CTNNA1: variants seen among roughly 807,000 people sequenced by gnomAD.
CTNNA1 encodes catenin alpha-1.
A neutral mutation model predicts 98.4 loss-of-function variants in CTNNA1; 37 were observed. The ratio of observed to expected loss-of-function variants is 0.38; its 90% CI spans 0.29 to 0.49. The LOEUF (loss-of-function observed/expected upper bound fraction) is 0.49, where lower values mean the gene tolerates loss of function less well. CTNNA1 is among the 20% of genes least tolerant of loss of function. The pLI is 0.95. For missense variants in CTNNA1, 761 were observed against 1,147.2 expected (o/e 0.66, Z 4.86); for synonymous variants, 404 against 413.2 (o/e 0.98, Z 0.27).
intron 1 of CTNNA1, among the ~76,000 whole-genome samples, chr5:138,779,071 G>T (rs1472913233): frequency 6.6e-6 from 1 of 152,094 alleles, no homozygotes; most frequent in Non-Finnish European, 1.5e-5. Flanking sequence ...TAGAGAGAGG[G>T]TTTCACCACA....
At chr5:138,813,846 G>C (rs185588702) in intron 5 of CTNNA1, among the ~76,000 whole-genome samples, 1 of 152,162 alleles carries the variant, frequency 6.6e-6, no homozygotes, top group Non-Finnish European at 1.5e-5. Flanking sequence ...TTGAACTCCT[G>C]GGCTCAAGAG....
chr5:138,759,508 C>T (rs1752078823), intron 1 of CTNNA1, among the ~76,000 whole-genome samples: 5 of 152,170 alleles, frequency 3.3e-5, no homozygotes, highest in Admixed American at 3.3e-4. Flanking sequence ...AGGTGGGGGC[C>T]CTTGGCCCAT....
rs747815829 is a variant in CTNNA1 at position 138,812,299 on chromosome 5, A to G, written c.585A>G (p.Gln195=). Residue 195 remains glutamine, a synonymous_variant, in exon 5 of 18, where the codon CAA becomes CAG. Transcript: ENST00000302763. The part of the protein sequence containing the change: ...DKLNIMAAKR[Q]QELKDVGHRD... ...TGAACATTATGGCAGCCAAAAGACA[A>G]CAGGTACAGTCATGATTTGGGGATA... is the stretch of plus-strand genomic sequence containing the variant. 1.9e-5 allele frequency: 30 copies of G among 1,612,646 alleles called. No individual in the cohort carries two copies. In the East Asian group the frequency reaches 6.7e-4, roughly 36 times the overall value.
intron 5 of CTNNA1, among the ~76,000 whole-genome samples, chr5:138,818,029 C>G (rs1373672168): frequency 6.6e-6 from 1 of 152,094 alleles, no homozygotes; most frequent in South Asian, 2.1e-4. Flanking sequence ...CCCCCGCCCC[C>G]ACAACCAAGT....
At chr5:138,932,462 C>T in intron 16 of CTNNA1, 116 bp from the exon 17 acceptor site, 1 of 1,480,678 alleles carries the variant, frequency 6.8e-7, no homozygotes, top group South Asian at 1.4e-5. Flanking sequence ...GATTTTGCTC[C>T]AGCAAGAGGA....
intron 9 of CTNNA1, among the ~76,000 whole-genome samples, chr5:138,901,078 C>T (rs967092907): frequency 6.6e-6 from 1 of 152,144 alleles, no homozygotes; most frequent in Non-Finnish European, 1.5e-5. Flanking sequence ...CTTGGCTCTG[C>T]TGGGTTCTCT....
intron 3 of CTNNA1, among the ~76,000 whole-genome samples, chr5:138,796,224 T>G (rs1199247234): frequency 6.6e-6 from 1 of 152,248 alleles, no homozygotes; most frequent in Non-Finnish European, 1.5e-5. Flanking sequence ...GTTACAATCC[T>G]AGTTTTTTAC....
chr5:138,801,242 T>TG (rs1757544390), intron 3 of CTNNA1, among the ~76,000 whole-genome samples: 1 of 152,256 alleles, frequency 6.6e-6, no homozygotes, highest in African/African-American at 2.4e-5. Context: ...ATATTTCCCT[T>TG]GACTGCGAAT....
At chr5:138,770,877 G>T (rs1013902019) in intron 1 of CTNNA1, among the ~76,000 whole-genome samples, 1 of 151,778 alleles carries the variant, frequency 6.6e-6, no homozygotes, top group African/African-American at 2.4e-5. Flanking sequence ...GCGTGAACCC[G>T]GGAGGCAGGG....
intron 7 of CTNNA1, among the ~76,000 whole-genome samples, chr5:138,837,783 G>C (rs1469019282): frequency 6.6e-6 from 1 of 151,336 alleles, no homozygotes; most frequent in Non-Finnish European, 1.5e-5. Context: ...CAGCATGCCT[G>C]ACTAATTTTT....
At chr5:138,898,183 C>T (rs1234318530) in intron 9 of CTNNA1, among the ~76,000 whole-genome samples, 4 of 123,670 alleles carry the variant, frequency 3.2e-5, no homozygotes, top group African/African-American at 1.2e-4. Context: ...TTCTCTTGCT[C>T]TTCGTCTTAC....
At chr5:138,801,867 A>G (rs1440836103) in intron 3 of CTNNA1, among the ~76,000 whole-genome samples, 3 of 152,258 alleles carry the variant, frequency 2.0e-5, no homozygotes, top group Non-Finnish European at 4.4e-5. Context: ...GATTGTGGAA[A>G]TGTTGACCCT....
intron 9 of CTNNA1, among the ~76,000 whole-genome samples, chr5:138,892,490 T>G (rs1755673469): frequency 6.6e-6 from 1 of 151,466 alleles, no homozygotes; most frequent in African/African-American, 2.4e-5. Flanking sequence ...AGGTGCCTGC[T>G]GTCACGCCTG....
At position 138,753,433 on chromosome 5, in the gene CTNNA1, A is replaced by G. The variant is rs1313571974; in HGVS notation, c.-80A>G. ...GTGGGGCGGCCCATTTCCTCCTCCT[A>G]GCCGGACTGGAGGGAGACAAAGCAG... On this transcript the variant is annotated 5_prime_UTR_variant, in exon 1 of 18. Coordinates refer to ENST00000302763, the MANE Select transcript of CTNNA1 (RefSeq NM_001903.5). The G allele has an allele frequency of 2.8e-6, 1 of 362,378 alleles. No homozygotes were observed. The highest frequency in any genetic ancestry group is 3.9e-5 in the East Asian group (1 of 25,484). 22.4% of individuals were successfully genotyped at this position (362,378 alleles called of 1,614,324 possible).
intron 7 of CTNNA1, among the ~76,000 whole-genome samples, chr5:138,861,916 C>T (rs1764320621): frequency 6.6e-6 from 1 of 152,050 alleles, no homozygotes. Flanking sequence ...GTAGTAAGCC[C>T]ACGGTCAAGA....
At chr5:138,931,214 A>G (rs753173564) in intron 16 of CTNNA1, 2 of 417,882 alleles carry the variant, frequency 4.8e-6, no homozygotes, top group Non-Finnish European at 8.9e-6. Context: ...GAGAGCAGCC[A>G]GAAGCCATGT....
chr5:138,875,423 C>T, intron 7 of CTNNA1: 1 of 985,834 alleles, frequency 1.0e-6, no homozygotes, highest in Non-Finnish European at 1.2e-6. Context: ...TTTCCAGAAG[C>T]TTTACTGTTA....
chr5:138,897,838 A>C (rs1017528536), intron 9 of CTNNA1, among the ~76,000 whole-genome samples: 4 of 152,218 alleles, frequency 2.6e-5, no homozygotes, highest in Non-Finnish European at 5.9e-5. Context: ...GGGATGATCA[A>C]GCAAAGGCAG....
At chr5:138,912,370 A>G (rs1043988180) in intron 10 of CTNNA1, among the ~76,000 whole-genome samples, 1 of 151,980 alleles carries the variant, frequency 6.6e-6, no homozygotes, top group African/African-American at 2.4e-5. Flanking sequence ...GGAAATCCCA[A>G]CACCTTAGAA....
Sources: allele counts gnomAD v4.1 joint callset (sites outside exome capture counted in the v4.1 genomes callset), GRCh38; gene constraint gnomAD v4.1.1; transcripts MANE v1.5; gene names NCBI Gene and HGNC (gene_info 2026-07-23, HGNC 2026-07-21).